Variants in LRP1B observed in about 807,000 individuals in gnomAD.
LRP1B encodes the protein low-density lipoprotein receptor-related protein 1B.
A neutral mutation model predicts 556.6 loss-of-function variants in LRP1B; 217 were observed. The observed-to-expected ratio is 0.39, with a 90% CI of 0.35 to 0.44. The LOEUF is 0.44. Ranked by LOEUF, LRP1B falls within the 20% of genes least tolerant of loss-of-function variation. LRP1B has a pLI of 1.00. For synonymous variants in LRP1B, 2,047 were observed against 1,865.8 expected, an observed-to-expected ratio of 1.10 and a Z score of -2.50; for missense variants, 5,053 against 5,620.8, an observed-to-expected ratio of 0.90 and a Z score of 3.23.
chr2:141,432,856 T>C (rs570150450), intron 3 of LRP1B, among the ~76,000 whole-genome samples: 12 of 152,132 alleles, frequency 7.9e-5, no homozygotes, highest in African/African-American at 2.9e-4. Flanking sequence ...CGATTTCATG[T>C]ATTTGCTCCA....
At position 141,059,041 on chromosome 2, in the gene LRP1B, T is replaced by C. The variant is rs201054785; in HGVS notation, c.1250A>G (p.Tyr417Cys). Residue 417 changes from tyrosine to cysteine, a missense_variant, in exon 9 of 91, where the codon TAT becomes TGT. Transcript: ENST00000389484. ...ATAATCTTCAAACACAGTTATACCA[T>C]AAAGATGTCTAACCTATAAAGAGGG... ...VIQGRQVRHL[Y>C]GITVFEDYLY... 372 of 1,554,448 alleles carry C rather than the reference T, an allele frequency of 2.4e-4. No individual in the cohort carries two copies. Among genetic ancestry groups the C allele is most frequent in the Non-Finnish European group, 3.0e-4 (350 of 1,149,120 alleles).
At chr2:141,996,703 A>G (rs1050852806) in intron 1 of LRP1B, among the ~76,000 whole-genome samples, 1 of 114,644 alleles carries the variant, frequency 8.7e-6, no homozygotes, top group East Asian at 2.6e-4. Flanking sequence ...CTGTATTTAA[A>G]TTTTTTCTTT....
At chr2:141,557,911 T>C (rs929150801) in intron 2 of LRP1B, among the ~76,000 whole-genome samples, 1 of 151,836 alleles carries the variant, frequency 6.6e-6, no homozygotes, top group Non-Finnish European at 1.5e-5. Flanking sequence ...AGGAAACAGA[T>C]GGTCCTTATT....
chr2:140,636,208 C>A (rs923319993), intron 41 of LRP1B, among the ~76,000 whole-genome samples: 5 of 152,094 alleles, frequency 3.3e-5, no homozygotes, highest in Admixed American at 1.3e-4. Context: ...ATTACACCTG[C>A]AAAATTCAAT....
chr2:140,967,262 C>T (rs555438359), intron 18 of LRP1B, among the ~76,000 whole-genome samples: 6 of 151,864 alleles, frequency 4.0e-5, no homozygotes, highest in Admixed American at 2.0e-4. Context: ...TCTTCACATC[C>T]CTTGTAAGTT....
chr2:141,811,157 C>T (rs1224735642), intron 1 of LRP1B, among the ~76,000 whole-genome samples: 5 of 152,052 alleles, frequency 3.3e-5, no homozygotes, highest in African/African-American at 1.2e-4. Context: ...TTGCTTTTAT[C>T]ACGTGAATCC....
intron 21 of LRP1B, among the ~76,000 whole-genome samples, chr2:140,910,306 G>T (rs1205993871): frequency 6.6e-6 from 1 of 151,722 alleles, no homozygotes; most frequent in Admixed American, 6.6e-5. Context: ...AAATAGCAGA[G>T]AACAAAATTA....
In LRP1B at chr2:140,595,087, A is replaced by AATAT. The variant is rs60138085; in HGVS notation, c.7194+3540_7194+3543dup. Among the ~76,000 whole-genome samples the AATAT allele has an allele frequency of 2.3e-3, 232 of 99,514 alleles. 2 individuals are homozygous for AATAT. The highest frequency in any genetic ancestry group is 3.6e-3 in the Non-Finnish European group (166 of 46,714). The allele number at this position is 99,514 out of a possible 152,430, so 65.3% of individuals were successfully genotyped here. ...CTACTTAAAAATAAAATATAAATTG[A>AATAT]ATATATATATATATATATATATATA... On this transcript the variant is annotated intron_variant, in intron 43 of 90. Coordinates refer to ENST00000389484, the MANE Select transcript of LRP1B (RefSeq NM_018557.3).
intron 2 of LRP1B, among the ~76,000 whole-genome samples, chr2:141,748,338 T>C (rs1277729352): frequency 6.6e-6 from 1 of 152,204 alleles, no homozygotes; most frequent in African/African-American, 2.4e-5. Flanking sequence ...GCATTCATCA[T>C]TATTGTTGTT....
At chr2:141,603,452 AT>A (rs1687819004) in intron 2 of LRP1B, among the ~76,000 whole-genome samples, 1 of 152,124 alleles carries the variant, frequency 6.6e-6, no homozygotes, top group Non-Finnish European at 1.5e-5. Context: ...GGCAGTTCAT[AT>A]TTCCATAATA....
At chr2:141,306,792 T>C (rs1686606490) in intron 3 of LRP1B, among the ~76,000 whole-genome samples, 2 of 152,078 alleles carry the variant, frequency 1.3e-5, no homozygotes, top group Non-Finnish European at 2.9e-5. Context: ...CTATATTCCA[T>C]AGGTTCTGGT....
intron 86 of LRP1B, among the ~76,000 whole-genome samples, chr2:140,252,062 CA>C: frequency 1.9e-3 from 35 of 18,558 alleles, no homozygotes; most frequent in East Asian, 0.011. Context: ...TGACAAGATG[CA>C]AAAAAAAAAA....
chr2:141,818,473 G>A (rs1319380796), intron 1 of LRP1B, among the ~76,000 whole-genome samples: 1 of 147,872 alleles, frequency 6.8e-6, no homozygotes, highest in Non-Finnish European at 1.5e-5. Context: ...AATTCAACAT[G>A]CACTTTTAAC....
At chr2:140,903,761 T>C (rs1694169729) in intron 22 of LRP1B, among the ~76,000 whole-genome samples, 1 of 151,650 alleles carries the variant, frequency 6.6e-6, no homozygotes, top group Non-Finnish European at 1.5e-5. Flanking sequence ...ATATATTGGT[T>C]ATTATGATTC....
At chr2:141,262,313 A>G (rs1386781898) in intron 3 of LRP1B, among the ~76,000 whole-genome samples, 1 of 151,734 alleles carries the variant, frequency 6.6e-6, no homozygotes, top group Non-Finnish European at 1.5e-5. Context: ...GTGAGCGTGT[A>G]TATGTATTCT....
At chr2:141,923,879 G>T (rs1700265048) in intron 1 of LRP1B, among the ~76,000 whole-genome samples, 1 of 151,886 alleles carries the variant, frequency 6.6e-6, no homozygotes, top group South Asian at 2.1e-4. Flanking sequence ...CATCTGCAAG[G>T]TATTAAACTA....
intron 3 of LRP1B, among the ~76,000 whole-genome samples, chr2:141,440,750 A>G (rs1418026858): frequency 6.6e-6 from 1 of 152,196 alleles, no homozygotes; most frequent in Non-Finnish European, 1.5e-5. Flanking sequence ...CGATGAAGAG[A>G]GTCATTTAAA....
chr2:140,928,696 T>C (rs1284487563), intron 20 of LRP1B, among the ~76,000 whole-genome samples: 1 of 152,084 alleles, frequency 6.6e-6, no homozygotes, highest in African/African-American at 2.4e-5. Context: ...GTCAATATCA[T>C]TGATGACTGC....
chr2:141,761,499 A>G (rs1694545966), intron 2 of LRP1B, among the ~76,000 whole-genome samples: 1 of 152,204 alleles, frequency 6.6e-6, no homozygotes, highest in Non-Finnish European at 1.5e-5. Context: ...TTTCTTCCAC[A>G]ATTAAAAATT....
Sources: gnomAD v4.1 joint callset for allele counts (sites outside exome capture counted in the v4.1 genomes callset) on GRCh38, gnomAD v4.1.1 for gene constraint, MANE v1.5 for transcripts, NCBI Gene and HGNC (gene_info 2026-07-23, HGNC 2026-07-21) for gene names.